The following SAMD3 variants were observed in gnomAD, a reference collection of about 807,000 sequenced individuals.
The protein encoded by SAMD3 is sterile alpha motif domain-containing protein 3.
A neutral mutation model predicts 58.5 loss-of-function variants in SAMD3; 63 were observed. The observed-to-expected ratio is 1.08, with a 90% CI of 0.88 to 1.33. The LOEUF (loss-of-function observed/expected upper bound fraction) is 1.33, where lower values mean the gene tolerates loss of function less well. SAMD3 is among the 40% of genes most tolerant of loss of function. SAMD3 has a pLI of 0.00. For synonymous variants in SAMD3, 220 were observed against 210.3 expected, an observed-to-expected ratio of 1.05 and a Z score of -0.40; for missense variants, 604 against 608.4, an observed-to-expected ratio of 0.99 and a Z score of 0.08.
At chr6:130,159,176 T>G (rs916691232) in intron 8 of SAMD3, among the ~76,000 whole-genome samples, 2 of 152,136 alleles carry the variant, frequency 1.3e-5, no homozygotes, top group Admixed American at 1.3e-4. Flanking sequence ...CAAGTCTTTC[T>G]CATGCTGTTC....
intron 2 of SAMD3, among the ~76,000 whole-genome samples, chr6:130,252,097 T>C (rs774714955): frequency 6.6e-6 from 1 of 152,090 alleles, no homozygotes; most frequent in Non-Finnish European, 1.5e-5. Context: ...TGCATATATA[T>C]TTATAATTAT....
chr6:130,298,058 G>C (rs1775628177), intron 2 of SAMD3, among the ~76,000 whole-genome samples: 1 of 152,140 alleles, frequency 6.6e-6, no homozygotes, highest in Non-Finnish European at 1.5e-5. Context: ...TTCACCATAT[G>C]ACCATTCCTG....
intron 1 of SAMD3, among the ~76,000 whole-genome samples, chr6:130,339,657 G>C (rs1361550583): frequency 6.6e-6 from 1 of 152,198 alleles, no homozygotes; most frequent in Non-Finnish European, 1.5e-5. Flanking sequence ...GTCTAGGGCA[G>C]TTTTTTATAC....
chr6:130,272,542 T>C (rs4479965), intron 2 of SAMD3, among the ~76,000 whole-genome samples: 47,227 of 151,986 alleles, frequency 0.31, 7,703 homozygotes, highest in East Asian at 0.47. Flanking sequence ...AGGAATACAT[T>C]CCCTTAAAAT....
intron 9 of SAMD3, 127 bp downstream of exon 9, chr6:130,154,695 GAAA>G (rs145408019): frequency 2.9e-4 from 31 of 108,712 alleles, no homozygotes; most frequent in African/African-American, 5.2e-4. Context: ...GACTCTGTCT[GAAA>G]AAAAAAAAAA....
At chr6:130,312,572 A>G (rs1161317991) in intron 2 of SAMD3, among the ~76,000 whole-genome samples, 1 of 152,190 alleles carries the variant, frequency 6.6e-6, no homozygotes, top group Non-Finnish European at 1.5e-5. Flanking sequence ...CTCAGCATCA[A>G]GTTATTCTCG....
chr6:130,224,132 G>C (rs6924118), upstream of SAMD3, among the ~76,000 whole-genome samples: 6,647 of 144,620 alleles, frequency 0.046, 477 homozygotes, highest in African/African-American at 0.18. Context: ...CCACCCCCAG[G>C]CAAATTCTAC....
intron 8 of SAMD3, among the ~76,000 whole-genome samples, chr6:130,156,823 T>A (rs1304072986): frequency 6.6e-6 from 1 of 151,950 alleles, no homozygotes; most frequent in Admixed American, 6.6e-5. Context: ...CAATAATAAA[T>A]GTTGGGAGGC....
intron 2 of SAMD3, among the ~76,000 whole-genome samples, chr6:130,276,655 C>A (rs1048762957): frequency 6.6e-6 from 1 of 151,970 alleles, no homozygotes; most frequent in Non-Finnish European, 1.5e-5. Flanking sequence ...GTATAATTCC[C>A]TAATGGGTTC....
intron 5 of SAMD3, among the ~76,000 whole-genome samples, chr6:130,193,819 C>G (rs1250192123): frequency 6.6e-6 from 1 of 152,188 alleles, no homozygotes; most frequent in East Asian, 1.9e-4. Flanking sequence ...GGCAAACGGT[C>G]TGAGGTGCCT....
intron 2 of SAMD3, among the ~76,000 whole-genome samples, chr6:130,259,987 T>G (rs1774066893): frequency 6.6e-6 from 1 of 152,224 alleles, no homozygotes; most frequent in Non-Finnish European, 1.5e-5. Flanking sequence ...AAGTACATCA[T>G]CACAAGGATT....
At chr6:130,258,749 T>C (rs1029864802) in intron 2 of SAMD3, among the ~76,000 whole-genome samples, 1 of 152,174 alleles carries the variant, frequency 6.6e-6, no homozygotes, top group African/African-American at 2.4e-5. Flanking sequence ...ATAAATATAC[T>C]TTTAGAATTT....
upstream of SAMD3, among the ~76,000 whole-genome samples, chr6:130,224,101 A>C (rs1450566636): frequency 6.6e-6 from 1 of 151,844 alleles, no homozygotes; most frequent in Non-Finnish European, 1.5e-5. Flanking sequence ...CAGGCCGCTC[A>C]GTGGCCTGAC....
At chr6:130,299,451 G>T (rs1775674844) in intron 2 of SAMD3, among the ~76,000 whole-genome samples, 1 of 152,006 alleles carries the variant, frequency 6.6e-6, no homozygotes, top group African/African-American at 2.4e-5. Context: ...CAAAATCTCT[G>T]GGACATAATG....
chr6:130,306,061 C>G (rs1775902073), intron 2 of SAMD3, among the ~76,000 whole-genome samples: 1 of 152,176 alleles, frequency 6.6e-6, no homozygotes, highest in South Asian at 2.1e-4. Context: ...GGACACTAAT[C>G]CCACTGATCT....
At chr6:130,259,781 C>T (rs186656814) in intron 2 of SAMD3, among the ~76,000 whole-genome samples, 1 of 152,118 alleles carries the variant, frequency 6.6e-6, no homozygotes, top group Non-Finnish European at 1.5e-5. Flanking sequence ...GCCTGCCTAT[C>T]CTTTACCCAG....
At chr6:130,304,325 A>C (rs1222498309) in intron 2 of SAMD3, among the ~76,000 whole-genome samples, 1 of 152,134 alleles carries the variant, frequency 6.6e-6, no homozygotes, top group African/African-American at 2.4e-5. Context: ...ACATGCCACC[A>C]TACCCAGCTA....
chr6:130,316,707 A>G (rs560890204), intron 1 of SAMD3, among the ~76,000 whole-genome samples: 99 of 152,258 alleles, frequency 6.5e-4, no homozygotes, highest in African/African-American at 2.4e-3. Flanking sequence ...TTTTAGAAAG[A>G]TATGTTGGTG....
upstream of SAMD3, chr6:130,365,777 G>T: frequency 1.0e-6 from 1 of 985,506 alleles, no homozygotes; most frequent in East Asian, 1.1e-4. Flanking sequence ...CTCTCGAAGT[G>T]CAACTTTGTG....
Sources: gnomAD v4.1 joint callset for allele counts (sites outside exome capture counted in the v4.1 genomes callset) on GRCh38, gnomAD v4.1.1 for gene constraint, MANE v1.5 for transcripts, NCBI Gene and HGNC (gene_info 2026-07-23, HGNC 2026-07-21) for gene names.